The following STAG1 variants were observed in gnomAD, a reference collection of about 807,000 sequenced individuals.
STAG1 encodes cohesin subunit SA-1.
Under a neutral mutation model 170.9 loss-of-function variants are expected in STAG1, and 26 were observed. The ratio of observed to expected loss-of-function variants is 0.15; its 90% CI spans 0.11 to 0.21. The LOEUF (loss-of-function observed/expected upper bound fraction) is 0.21, where lower values mean the gene tolerates loss of function less well. Ranked by LOEUF, STAG1 falls within the 10% of genes least tolerant of loss-of-function variation. The pLI is 1.00. For synonymous variants in STAG1, 514 were observed against 497.7 expected, an observed-to-expected ratio of 1.03 and a Z score of -0.44; for missense variants, 964 against 1,509.5, an observed-to-expected ratio of 0.64 and a Z score of 5.99.
At chr3:136,721,128 G>A (rs2107929225) in intron 1 of STAG1, among the ~76,000 whole-genome samples, 1 of 152,178 alleles carries the variant, frequency 6.6e-6, no homozygotes, top group Non-Finnish European at 1.5e-5. Context: ...TGAGCTGCCA[G>A]GAAAATCAAT....
chr3:136,445,488 TAA>T (rs1323948684), intron 14 of STAG1, among the ~76,000 whole-genome samples: 15 of 152,320 alleles, frequency 9.8e-5, no homozygotes, highest in African/African-American at 3.6e-4. Context: ...TAAGCTAAAA[TAA>T]AGAGTTTCAG....
intron 9 of STAG1, among the ~76,000 whole-genome samples, chr3:136,487,155 G>T (rs769965244): frequency 6.6e-6 from 1 of 152,038 alleles, no homozygotes; most frequent in Non-Finnish European, 1.5e-5. Flanking sequence ...ACAGGCACTG[G>T]TGTGTGCTGT....
rs1934006054 is a variant in STAG1 at position 136,510,517 on chromosome 3, C to A, written c.677-7738G>T. On this transcript the variant is annotated intron_variant, in intron 7 of 33. Coordinates refer to ENST00000383202, the MANE Select transcript of STAG1 (RefSeq NM_005862.3). Reference sequence around the variant, plus strand: ...GTTGGCCAGGCTGGTCTCGAATGATCTGCCCTCTTCGGCCTCTAAAAGTGT... The same window carrying A: ...GTTGGCCAGGCTGGTCTCGAATGATATGCCCTCTTCGGCCTCTAAAAGTGT... Among the ~76,000 whole-genome samples, 4 of 151,684 alleles carry A rather than the reference C, an allele frequency of 2.6e-5. No individual in the cohort carries two copies. In the South Asian group the frequency reaches 6.3e-4, roughly 24 times the overall value.
At chr3:136,604,206 A>G (rs1020369871) in intron 4 of STAG1, 103 bp downstream of exon 4, 2 of 1,049,456 alleles carry the variant, frequency 1.9e-6, no homozygotes, top group South Asian at 2.4e-5. Flanking sequence ...GGTTGCTTAC[A>G]TAATCAACAG....
intron 1 of STAG1, among the ~76,000 whole-genome samples, chr3:136,660,751 T>C (rs1411552085): frequency 6.6e-6 from 1 of 152,070 alleles, no homozygotes; most frequent in African/African-American, 2.4e-5. Flanking sequence ...GGAGAATCAC[T>C]TGAGCCCAGC....
Position 136,641,858 on chromosome 3 carries a change from A to G in STAG1, c.-83-10877T>C, listed in dbSNP as rs1344695889. On this transcript the variant is annotated intron_variant, in intron 1 of 33. Coordinates refer to ENST00000383202, the MANE Select transcript of STAG1 (RefSeq NM_005862.3). ...GTTGGGGAAGCTAGGTGAGGGGTAC[A>G]GGGTTGAAAACCTCTGTGCTATTTT... is the stretch of plus-strand genomic sequence containing the variant. 7.9e-5 allele frequency among the ~76,000 whole-genome samples: 12 copies of G among 152,332 alleles called. No homozygotes were observed. The East Asian group carries it at 1.7e-3, about 22-fold the overall frequency.
intron 12 of STAG1, among the ~76,000 whole-genome samples, chr3:136,467,980 C>T (rs1004012974): frequency 6.6e-6 from 1 of 151,080 alleles, no homozygotes; most frequent in African/African-American, 2.4e-5. Context: ...AGGCACAAAC[C>T]TGAATCTTTG....
intron 6 of STAG1, among the ~76,000 whole-genome samples, chr3:136,537,366 T>C (rs1935680833): frequency 6.6e-6 from 1 of 152,162 alleles, no homozygotes; most frequent in Non-Finnish European, 1.5e-5. Context: ...TTTAACAGAG[T>C]AGCAAAGAGT....
intron 4 of STAG1, among the ~76,000 whole-genome samples, chr3:136,594,092 A>G (rs1246134951): frequency 6.6e-6 from 1 of 152,150 alleles, no homozygotes; most frequent in Non-Finnish European, 1.5e-5. Context: ...TATCCATTCT[A>G]TTAATAGCTC....
At chr3:136,448,502 A>G (rs141349304) in intron 14 of STAG1, among the ~76,000 whole-genome samples, 36 of 152,344 alleles carry the variant, frequency 2.4e-4, no homozygotes, top group African/African-American at 8.7e-4. Context: ...ACTTACTACC[A>G]TGAGAACCAT....
intron 6 of STAG1, among the ~76,000 whole-genome samples, chr3:136,539,033 C>T: frequency 6.6e-6 from 1 of 151,634 alleles, no homozygotes; most frequent in East Asian, 2.0e-4. Context: ...ACTCAGGAGG[C>T]TGAGGCAGGA....
chr3:136,576,750 A>G (rs913032171), intron 4 of STAG1, among the ~76,000 whole-genome samples: 7 of 152,220 alleles, frequency 4.6e-5, no homozygotes, highest in Non-Finnish European at 8.8e-5. Context: ...TTCAATCTAG[A>G]TATCTACATA....
intron 1 of STAG1, among the ~76,000 whole-genome samples, chr3:136,673,488 TTA>T (rs1942037713): frequency 6.6e-6 from 1 of 152,186 alleles, no homozygotes; most frequent in African/African-American, 2.4e-5. Context: ...TCATGAAGGT[TTA>T]AAAAGTAAAT....
chr3:136,618,124 C>T (rs775478696), intron 3 of STAG1, among the ~76,000 whole-genome samples: 6 of 152,116 alleles, frequency 3.9e-5, no homozygotes, highest in Non-Finnish European at 7.3e-5. Flanking sequence ...ATAAAGCAAC[C>T]TTTTCCAATT....
At chr3:136,610,185 C>T (rs201897798) in intron 3 of STAG1, among the ~76,000 whole-genome samples, 3 of 151,886 alleles carry the variant, frequency 2.0e-5, no homozygotes, top group Non-Finnish European at 2.9e-5. Flanking sequence ...TACAGGTGCC[C>T]GCCACCACTC....
At chr3:136,348,115 A>T (rs1936301220) in intron 29 of STAG1, among the ~76,000 whole-genome samples, 1 of 152,194 alleles carries the variant, frequency 6.6e-6, no homozygotes, top group Admixed American at 6.5e-5. Flanking sequence ...GAAAGATAAG[A>T]AGTTATAAAA....
chr3:136,446,758 C>T (rs945884206), intron 14 of STAG1, among the ~76,000 whole-genome samples: 9 of 151,130 alleles, frequency 6.0e-5, no homozygotes, highest in African/African-American at 1.9e-4. Flanking sequence ...GCTCCTACTA[C>T]ACAATATAAT....
At chr3:136,510,294 T>G (rs1048895696) in intron 7 of STAG1, among the ~76,000 whole-genome samples, 3 of 152,188 alleles carry the variant, frequency 2.0e-5, no homozygotes, top group African/African-American at 7.2e-5. Context: ...TTTGGATTAT[T>G]TTTCTTATTT....
chr3:136,647,712 C>A (rs1030573699), intron 1 of STAG1, among the ~76,000 whole-genome samples: 4 of 152,212 alleles, frequency 2.6e-5, no homozygotes, highest in Non-Finnish European at 5.9e-5. Flanking sequence ...ACCCAACTAT[C>A]CCTTATCACT....
Sources: gnomAD v4.1 joint callset for allele counts (sites outside exome capture counted in the v4.1 genomes callset) on GRCh38, gnomAD v4.1.1 for gene constraint, MANE v1.5 for transcripts, NCBI Gene and HGNC (gene_info 2026-07-23, HGNC 2026-07-21) for gene names.